The following GPRC6A variants were observed in gnomAD, a reference collection of about 807,000 sequenced individuals.
The protein encoded by GPRC6A is G protein-coupled receptor family C group 6 member A.
In GPRC6A, 54 loss-of-function variants were observed where a neutral mutation model predicts 47.0. That is an observed-to-expected ratio of 1.15 (90% CI 0.92 to 1.44). The LOEUF (loss-of-function observed/expected upper bound fraction) is 1.44. Among genes scored for constraint, GPRC6A ranks in the 40% most tolerant of loss-of-function variants. The probability of loss-of-function intolerance (pLI) is 0.00; values close to 1 mark genes in which losing one functional copy is unlikely to be tolerated. For synonymous variants in GPRC6A, 347 were observed against 377.1 expected (o/e 0.92, Z 0.93); for missense variants, 1,112 against 1,105.5 (o/e 1.01, Z -0.08).
At chr6:116,812,471 G>A (rs9400959) in intron 1 of GPRC6A, among the ~76,000 whole-genome samples, 112,250 of 152,030 alleles carry the variant, frequency 0.74, 41,654 homozygotes, top group Middle Eastern at 0.84. Flanking sequence ...TGATACTACT[G>A]TAGATATTCA....
chr6:116,823,313 G>A (rs377566773), intron 1 of GPRC6A, among the ~76,000 whole-genome samples: 1 of 152,044 alleles, frequency 6.6e-6, no homozygotes, highest in East Asian at 1.9e-4. Context: ...TCACTCTCAA[G>A]TTCAAAGTTC....
chr6:116,807,998 C>CT (rs565661865), intron 2 of GPRC6A, among the ~76,000 whole-genome samples: 189 of 143,932 alleles, frequency 1.3e-3, no homozygotes, highest in African/African-American at 3.6e-3. Flanking sequence ...TTCGTTCCTT[C>CT]TTTTTTTTTT....
chr6:116,797,923 C>T (rs1261082591), intron 4 of GPRC6A, among the ~76,000 whole-genome samples: 1 of 152,160 alleles, frequency 6.6e-6, no homozygotes, highest in African/African-American at 2.4e-5. Context: ...AAGTATCTTG[C>T]TTTACTAAAA....
At chr6:116,817,688 G>A (rs1773276433) in intron 1 of GPRC6A, among the ~76,000 whole-genome samples, 1 of 151,918 alleles carries the variant, frequency 6.6e-6, no homozygotes, top group South Asian at 2.1e-4. Flanking sequence ...GTGCTTAAAG[G>A]AGCTGATGGA....
intron 3 of GPRC6A, among the ~76,000 whole-genome samples, chr6:116,803,472 G>A (rs1772740356): frequency 6.6e-6 from 1 of 152,076 alleles, no homozygotes. Context: ...TATACTAGCA[G>A]TATCAGCATC....
At position 116,828,828 on chromosome 6, in the gene GPRC6A, C is replaced by T. The variant is rs776646671; in HGVS notation, c.186G>A (p.Glu62=). The change falls in exon 1 of 6, where the codon GAG becomes GAA. Residue 62 remains glutamate, a synonymous_variant. Transcript: ENST00000310357. ...EDSPRRPQIQ[E]CVGFEISVFL... ...TTTTGAGACTTACTCACCCAACACA[C>T]TCCTGGATTTGTGGTCGTCTGGGAG... 1.1e-5 allele frequency: 17 copies of T among 1,611,926 alleles called. No homozygotes were observed. The highest frequency in any genetic ancestry group is 1.2e-5 in the Non-Finnish European group (14 of 1,178,808).
intron 1 of GPRC6A, among the ~76,000 whole-genome samples, chr6:116,828,003 A>G (rs1160746370): frequency 1.3e-5 from 2 of 152,178 alleles, no homozygotes; most frequent in African/African-American, 4.8e-5. Flanking sequence ...AAGCATGAAG[A>G]GCACATTCCA....
chr6:116,828,315 C>T (rs903050895), intron 1 of GPRC6A, among the ~76,000 whole-genome samples: 2 of 151,782 alleles, frequency 1.3e-5, no homozygotes, highest in African/African-American at 2.4e-5. Flanking sequence ...GGAAGGAGCA[C>T]TTTGAGTTGA....
intron 1 of GPRC6A, among the ~76,000 whole-genome samples, chr6:116,824,986 CTA>C (rs1215915362): frequency 6.6e-6 from 1 of 151,942 alleles, no homozygotes; most frequent in Non-Finnish European, 1.5e-5. Context: ...AGGACAAAAA[CTA>C]TGTGATCATC....
At chr6:116,824,085 T>C (rs1773596765) in intron 1 of GPRC6A, among the ~76,000 whole-genome samples, 1 of 151,846 alleles carries the variant, frequency 6.6e-6, no homozygotes, top group African/African-American at 2.4e-5. Flanking sequence ...CCAAAGCCAG[T>C]GGGATACAGC....
intron 3 of GPRC6A, among the ~76,000 whole-genome samples, chr6:116,804,219 A>T (rs913414523): frequency 6.6e-6 from 1 of 152,048 alleles, no homozygotes; most frequent in Non-Finnish European, 1.5e-5. Flanking sequence ...GAACATTAAA[A>T]ATCTGCTGAA....
chr6:116,809,671 G>T (rs1772966444), intron 1 of GPRC6A, 54 bp from the exon 2 acceptor site: 7 of 1,286,926 alleles, frequency 5.4e-6, no homozygotes, highest in Non-Finnish European at 2.2e-6. Context: ...CTATGGACAT[G>T]GCTGTATCTC....
intron 1 of GPRC6A, among the ~76,000 whole-genome samples, chr6:116,821,712 A>C (rs150800032): frequency 1.3e-5 from 2 of 152,134 alleles, no homozygotes; most frequent in African/African-American, 2.4e-5. Context: ...AATCAATTCA[A>C]CATGGATTAA....
intron 4 of GPRC6A, among the ~76,000 whole-genome samples, chr6:116,797,068 G>A (rs1046122853): frequency 2.7e-5 from 4 of 148,424 alleles, no homozygotes; most frequent in South Asian, 2.2e-4. Flanking sequence ...AGAGTGTGAT[G>A]TTCCCCTTCC....
chr6:116,806,887 A>G lies in GPRC6A; in HGVS notation c.818T>C (p.Val273Ala), dbSNP rs753598171. Residue 273 changes from valine (V) to alanine (A), a missense_variant, in exon 3 of 6, where the codon GTC becomes GCC. Val to Ala is a moderately conservative substitution (Grantham distance 64). Transcript: ENST00000310357. Reference protein sequence around the residue: ...KKIILEAQVNVIVVFLRQFHV... With the variant: ...KKIILEAQVNAIVVFLRQFHV... ...GAATTGCCTCAGAAATACCACAATG[A>G]CATTAACCTGGGCTTCTAAAATGAT... 24 of 1,613,618 alleles carry G rather than the reference A, an allele frequency of 1.5e-5. No individual in the cohort carries two copies. In the South Asian group the frequency reaches 2.4e-4, roughly 16 times the overall value.
intron 3 of GPRC6A, among the ~76,000 whole-genome samples, chr6:116,802,062 C>T (rs1465107846): frequency 6.6e-6 from 1 of 152,170 alleles, no homozygotes; most frequent in East Asian, 1.9e-4. Context: ...TCCTCTTCCA[C>T]ACAAGTGTTT....
chr6:116,818,552 A>C lies in GPRC6A; in HGVS notation c.195-8935T>G, dbSNP rs1347641634. The stretch of plus-strand genomic sequence containing the variant: ...CCGTCTAAAAAAAAAAAAAAAAAAA[A>C]AAAAAAAAAAAAAAAAAAGAATTTT... On this transcript the variant is annotated intron_variant, in intron 1 of 5. Transcript: ENST00000310357. Among the ~76,000 whole-genome samples, 146 of 130,854 alleles carry C rather than the reference A, an allele frequency of 1.1e-3. 7 individuals are homozygous for C. In the East Asian group the frequency reaches 0.031, roughly 28 times the overall value. 85.8% of individuals were successfully genotyped at this position (130,854 alleles called of 152,430 possible).
chr6:116,802,008 T>C (rs781299810), intron 3 of GPRC6A, among the ~76,000 whole-genome samples: 2 of 152,186 alleles, frequency 1.3e-5, no homozygotes, highest in Admixed American at 6.5e-5. Context: ...CCTTAAGCAA[T>C]ATACACATGT....
At chr6:116,798,368 G>A (rs980714069) in intron 4 of GPRC6A, among the ~76,000 whole-genome samples, 2 of 152,158 alleles carry the variant, frequency 1.3e-5, no homozygotes, top group Non-Finnish European at 1.5e-5. Flanking sequence ...AAGTCCTTGG[G>A]CTATGAGAAG....
Sources: gnomAD v4.1 joint callset for allele counts (sites outside exome capture counted in the v4.1 genomes callset) on GRCh38, gnomAD v4.1.1 for gene constraint, MANE v1.5 for transcripts, NCBI Gene and HGNC (gene_info 2026-07-23, HGNC 2026-07-21) for gene names.